Variants in ANKS1B observed in about 807,000 individuals in gnomAD.
The protein encoded by ANKS1B is ankyrin repeat and sterile alpha motif domain-containing protein 1B.
In ANKS1B, 36 loss-of-function variants were observed where a neutral mutation model predicts 148.3. The observed-to-expected ratio is 0.24, with a 90% CI of 0.19 to 0.32. The LOEUF is 0.32. Among genes scored for constraint, ANKS1B ranks in the 10% least tolerant of loss-of-function variants. The pLI is 1.00. For synonymous variants in ANKS1B, 542 were observed against 560.8 expected (o/e 0.97, Z 0.47); for missense variants, 1,157 against 1,542.6 (o/e 0.75, Z 4.19).
intron 12 of ANKS1B, among the ~76,000 whole-genome samples, chr12:99,293,478 A>C (rs1261153242): frequency 1.3e-5 from 2 of 152,188 alleles, no homozygotes; most frequent in African/African-American, 4.8e-5. Context: ...GTGCACATGT[A>C]CCCTAGAACT....
chr12:99,528,705 C>T lies in ANKS1B; in HGVS notation c.1273-24064G>A, dbSNP rs184039501. On this transcript the variant is annotated intron_variant, in intron 9 of 26. Transcript: ENST00000683438. Reference sequence around the variant, plus strand: ...TGATCAATCAATGTAGCCATTATTACTACTCAGTAATTTTTAAAATGAGAT... The same window carrying T: ...TGATCAATCAATGTAGCCATTATTATTACTCAGTAATTTTTAAAATGAGAT... Among the ~76,000 whole-genome samples the T allele has an allele frequency of 8.1e-4, 124 of 152,220 alleles. 1 individual carries two copies. Among genetic ancestry groups the T allele is most frequent in the African/African-American group, 2.4e-3 (99 of 41,550 alleles).
intron 10 of ANKS1B, among the ~76,000 whole-genome samples, chr12:99,466,083 ACTGT>A (rs1276047403): frequency 2.6e-5 from 4 of 152,170 alleles, no homozygotes; most frequent in Admixed American, 1.3e-4. Context: ...ATTATAACAA[ACTGT>A]CTCTCAGACC....
At chr12:99,679,219 A>C (rs1317648376) in intron 8 of ANKS1B, among the ~76,000 whole-genome samples, 1 of 152,238 alleles carries the variant, frequency 6.6e-6, no homozygotes, top group East Asian at 1.9e-4. Flanking sequence ...TCCTCATCTG[A>C]AGTTACACTC....
chr12:99,718,325 C>A (rs1450283242), intron 8 of ANKS1B, among the ~76,000 whole-genome samples: 1 of 152,044 alleles, frequency 6.6e-6, no homozygotes, highest in Non-Finnish European at 1.5e-5. Context: ...TATCTCATTG[C>A]CACCCTTCTT....
intron 9 of ANKS1B, among the ~76,000 whole-genome samples, chr12:99,645,073 T>A (rs183923664): frequency 6.6e-6 from 1 of 152,252 alleles, no homozygotes; most frequent in Non-Finnish European, 1.5e-5. Context: ...AGGTAATATA[T>A]TCACAGGTTG....
chr12:99,439,905 G>T (rs753632312), intron 11 of ANKS1B, among the ~76,000 whole-genome samples: 30 of 151,848 alleles, frequency 2.0e-4, no homozygotes, highest in Admixed American at 4.6e-4. Flanking sequence ...ATCAACAGGA[G>T]AATTAATGAA....
intron 12 of ANKS1B, 65 bp downstream of exon 12, chr12:99,399,566 C>T: frequency 1.9e-6 from 3 of 1,540,708 alleles, no homozygotes; most frequent in Non-Finnish European, 2.7e-6. Flanking sequence ...CCTCCTAATT[C>T]CTCTAACTCA....
intron 17 of ANKS1B, among the ~76,000 whole-genome samples, chr12:98,860,062 T>TA (rs1178355727): frequency 6.6e-6 from 1 of 152,280 alleles, no homozygotes; most frequent in African/African-American, 2.4e-5. Flanking sequence ...TCACATAGGC[T>TA]ACTCACGTTT....
At chr12:99,473,054 T>A (rs2096266034) in intron 10 of ANKS1B, among the ~76,000 whole-genome samples, 1 of 152,072 alleles carries the variant, frequency 6.6e-6, no homozygotes, top group Non-Finnish European at 1.5e-5. Context: ...CTCTTTTATA[T>A]CCTGTCACAA....
At chr12:98,940,321 C>A (rs959756773) in intron 17 of ANKS1B, among the ~76,000 whole-genome samples, 1 of 152,152 alleles carries the variant, frequency 6.6e-6, no homozygotes, top group African/African-American at 2.4e-5. Context: ...CACAGGCACA[C>A]GAAAGGCACA....
chr12:99,793,427 A>C (rs1242598087), intron 4 of ANKS1B, among the ~76,000 whole-genome samples: 1 of 152,050 alleles, frequency 6.6e-6, no homozygotes, highest in Non-Finnish European at 1.5e-5. Flanking sequence ...ACATTACCTG[A>C]CTTCAAATTA....
intron 9 of ANKS1B, among the ~76,000 whole-genome samples, chr12:98,738,448 G>A (rs1160113059): frequency 3.3e-5 from 5 of 152,136 alleles, no homozygotes; most frequent in Admixed American, 3.3e-4. Context: ...AACTGAGCAG[G>A]TGAGTGGAGA....
chr12:99,729,686 T>C (rs2058950096), intron 8 of ANKS1B, among the ~76,000 whole-genome samples: 2 of 152,220 alleles, frequency 1.3e-5, no homozygotes, highest in South Asian at 4.1e-4. Context: ...CATATTTTCT[T>C]GTTTCTTTTC....
chr12:98,979,307 G>T (rs1040197943), intron 17 of ANKS1B, among the ~76,000 whole-genome samples: 1 of 149,422 alleles, frequency 6.7e-6, no homozygotes, highest in African/African-American at 2.5e-5. Flanking sequence ...TCGCTCTGTC[G>T]CCCAGGCTGG....
At chr12:99,239,436 A>G (rs547358854) in intron 14 of ANKS1B, among the ~76,000 whole-genome samples, 3 of 152,334 alleles carry the variant, frequency 2.0e-5, no homozygotes, top group African/African-American at 7.2e-5. Flanking sequence ...CCAAATATAC[A>G]TTTGATTGGT....
At chr12:98,830,813 G>A (rs1023291378) in intron 18 of ANKS1B, among the ~76,000 whole-genome samples, 2 of 151,938 alleles carry the variant, frequency 1.3e-5, no homozygotes, top group African/African-American at 4.8e-5. Context: ...GCCACTTCTT[G>A]CCACTGCCAT....
At chr12:99,778,157 G>A (rs576538237) in intron 6 of ANKS1B, among the ~76,000 whole-genome samples, 144 of 150,958 alleles carry the variant, frequency 9.5e-4, no homozygotes, top group African/African-American at 3.3e-3. Context: ...CCCAGAGGGC[G>A]CCACTGCACT....
intron 10 of ANKS1B, among the ~76,000 whole-genome samples, chr12:99,462,116 T>C (rs1308383410): frequency 6.6e-6 from 1 of 152,352 alleles, no homozygotes; most frequent in Non-Finnish European, 1.5e-5. Context: ...CCTATTCCTA[T>C]TTGCAGTTGA....
intron 9 of ANKS1B, among the ~76,000 whole-genome samples, chr12:99,641,040 ATACT>A (rs1378930096): frequency 9.2e-5 from 14 of 152,202 alleles, no homozygotes; most frequent in African/African-American, 3.1e-4. Flanking sequence ...TATACTATAC[ATACT>A]TCCAGATTTT....
Sources: allele counts gnomAD v4.1 joint callset (sites outside exome capture counted in the v4.1 genomes callset), GRCh38; gene constraint gnomAD v4.1.1; transcripts MANE v1.5; gene names NCBI Gene and HGNC (gene_info 2026-07-23, HGNC 2026-07-21).